Variants in NRG2 observed in about 807,000 individuals in gnomAD.
NRG2 encodes the protein neuregulin 2, also known as pro-neuregulin-2, membrane-bound isoform.
NRG2 carries 27 observed loss-of-function variants against 73.9 expected under a neutral mutation model. That is an observed-to-expected ratio of 0.37 (90% CI 0.27 to 0.50). The LOEUF is 0.50. Ranked by LOEUF, NRG2 falls within the 20% of genes least tolerant of loss-of-function variation. The probability of loss-of-function intolerance (pLI) is 0.96; values close to 1 mark genes in which losing one functional copy is unlikely to be tolerated. For missense variants in NRG2, 1,126 were observed against 1,210.1 expected, an observed-to-expected ratio of 0.93 and a Z score of 1.03; for synonymous variants, 532 against 541.0, an observed-to-expected ratio of 0.98 and a Z score of 0.23.
chr5:139,922,070 C>CAAA (rs35988908), intron 1 of NRG2, among the ~76,000 whole-genome samples: 7 of 77,190 alleles, frequency 9.1e-5, no homozygotes, highest in African/African-American at 1.7e-4. Flanking sequence ...GATTCTGTCT[C>CAAA]AAAAAAAAAA....
At chr5:139,972,859 C>A (rs1756079520) in intron 1 of NRG2, among the ~76,000 whole-genome samples, 1 of 152,050 alleles carries the variant, frequency 6.6e-6, no homozygotes, top group Admixed American at 6.5e-5. Flanking sequence ...AATACCTCAA[C>A]AGAAAAATGG....
chr5:139,850,692 G>T (rs921855481), intron 9 of NRG2, among the ~76,000 whole-genome samples: 1 of 152,246 alleles, frequency 6.6e-6, no homozygotes, highest in African/African-American at 2.4e-5. Context: ...TGGCAGGGGT[G>T]CTGGCCCTTG....
chr5:139,899,003 A>T (rs1764719123), intron 1 of NRG2, among the ~76,000 whole-genome samples: 1 of 152,190 alleles, frequency 6.6e-6, no homozygotes, highest in African/African-American at 2.4e-5. Context: ...TCCTCTGGTT[A>T]GAGTTAGTCT....
chr5:139,960,262 C>T (rs1314303616), intron 1 of NRG2, among the ~76,000 whole-genome samples: 1 of 152,130 alleles, frequency 6.6e-6, no homozygotes, highest in Non-Finnish European at 1.5e-5. Flanking sequence ...TGCCTGTAAT[C>T]CTAGCAGTTT....
intron 1 of NRG2, among the ~76,000 whole-genome samples, chr5:139,978,913 T>G (rs1042624345): frequency 6.6e-6 from 1 of 151,642 alleles, no homozygotes; most frequent in African/African-American, 2.4e-5. Context: ...CCATAAAAAA[T>G]GATGAGTTCA....
In NRG2 at chr5:139,880,842, C is replaced by G. The variant is rs779339215; in HGVS notation, c.991+14G>C. 21 of 1,609,850 alleles carry G rather than the reference C, an allele frequency of 1.3e-5. No homozygotes were observed. Reference sequence around the variant, plus strand: ...ACCCCTCTAGGACCCTTCCCTCTGTCTGGGCCCACCTACCGCTGTTGACGT... The same window carrying G: ...ACCCCTCTAGGACCCTTCCCTCTGTGTGGGCCCACCTACCGCTGTTGACGT... On this transcript the variant is annotated intron_variant, in intron 3 of 9. Transcript: ENST00000361474.
At chr5:139,923,082 C>T (rs1751795334) in intron 1 of NRG2, among the ~76,000 whole-genome samples, 1 of 152,118 alleles carries the variant, frequency 6.6e-6, no homozygotes, top group South Asian at 2.1e-4. Flanking sequence ...AGAGTGAACT[C>T]TAGTGTAAAC....
chr5:139,978,402 T>C (rs940156166), intron 1 of NRG2, among the ~76,000 whole-genome samples: 2 of 152,176 alleles, frequency 1.3e-5, no homozygotes, highest in Non-Finnish European at 2.9e-5. Flanking sequence ...GAGATACTAT[T>C]TCACACCAGT....
At chr5:139,907,012 CAT>C (rs1268913207) in intron 1 of NRG2, among the ~76,000 whole-genome samples, 1 of 152,068 alleles carries the variant, frequency 6.6e-6, no homozygotes, top group East Asian at 1.9e-4. Context: ...TGCATGTGCA[CAT>C]GTGTGTATGG....
chr5:139,873,907 C>T (rs769489843), intron 3 of NRG2, among the ~76,000 whole-genome samples: 63 of 152,224 alleles, frequency 4.1e-4, no homozygotes, highest in African/African-American at 8.0e-4. Context: ...CCTCCCCAGC[C>T]GAATGCATTG....
intron 2 of NRG2, among the ~76,000 whole-genome samples, chr5:139,885,243 C>T (rs1456064858): frequency 6.6e-6 from 1 of 152,024 alleles, no homozygotes; most frequent in Non-Finnish European, 1.5e-5. Flanking sequence ...ATAGTGAGGC[C>T]CAAAGCTCAG....
rs79714867 is a variant in NRG2 at position 139,983,854 on chromosome 5, G to C, written c.700+58516C>G. ...AAAGGATACCTTGCCAAAACTCCCT[G>C]CTCTCTCATACTGAAAGCTTTCTTA... On this transcript the variant is annotated intron_variant, in intron 1 of 9. Transcript: ENST00000361474. 1.4e-4 allele frequency among the ~76,000 whole-genome samples: 22 copies of C among 152,212 alleles called. No homozygotes were observed. The East Asian group carries it at 3.9e-3, about 27-fold the overall frequency.
At chr5:139,905,458 G>C (rs1765167086) in intron 1 of NRG2, among the ~76,000 whole-genome samples, 1 of 152,202 alleles carries the variant, frequency 6.6e-6, no homozygotes, top group Admixed American at 6.5e-5. Context: ...CTCAGGAAGG[G>C]TCCGAAGGCC....
intron 1 of NRG2, among the ~76,000 whole-genome samples, chr5:139,947,521 G>A (rs544263801): frequency 4.6e-5 from 7 of 152,118 alleles, no homozygotes; most frequent in South Asian, 2.1e-4. Flanking sequence ...TGTTTATTAC[G>A]AATAATGCTT....
rs567988735 is a variant in NRG2 at position 139,954,656 on chromosome 5, C to A, written c.701-67145G>T. Among the ~76,000 whole-genome samples the A allele has an allele frequency of 6.6e-6, 1 of 152,238 alleles. No individual in the cohort carries two copies. Among genetic ancestry groups the A allele is most frequent in the Non-Finnish European group, 1.5e-5 (1 of 68,044 alleles). ...CAAGCCCTCCACCCCAGCGACTCTC[C>A]GCAGAGGCCCCTGCGCGTATCCCGC... is the stretch of plus-strand genomic sequence containing the variant. On this transcript the variant is annotated intron_variant, in intron 1 of 9. Transcript: ENST00000361474. This position sits in a 1 kb window ranked among gnomAD's most constrained non-coding sequence, Gnocchi z 5.0.
In NRG2 at chr5:139,966,642, G is replaced by A. The variant is rs561661354; in HGVS notation, c.700+75728C>T. The stretch of plus-strand genomic sequence containing the variant: ...TTAGTATATGCAAGAGTTTAGAAAT[G>A]AGAGCATATGCGACTTAAAAAAGGA... On this transcript the variant is annotated intron_variant, in intron 1 of 9. Coordinates refer to ENST00000361474, the MANE Select transcript of NRG2 (RefSeq NM_004883.3). Among the ~76,000 whole-genome samples, 35 of 152,240 alleles carry A rather than the reference G, an allele frequency of 2.3e-4. No homozygotes were observed. The South Asian group carries it at 6.4e-3, about 28-fold the overall frequency.
chr5:139,921,192 A>G (rs1031385826), intron 1 of NRG2, among the ~76,000 whole-genome samples: 2 of 152,236 alleles, frequency 1.3e-5, no homozygotes, highest in African/African-American at 2.4e-5. Context: ...TATCGATTCA[A>G]TGCAATTCCA....
At chr5:139,875,838 A>C (rs936433220) in intron 3 of NRG2, among the ~76,000 whole-genome samples, 2 of 152,174 alleles carry the variant, frequency 1.3e-5, no homozygotes, top group African/African-American at 4.8e-5. Context: ...AAGGATAATA[A>C]CATGTGGTGG....
chr5:139,866,564 T>C (rs1023742528), intron 4 of NRG2, among the ~76,000 whole-genome samples: 3 of 152,146 alleles, frequency 2.0e-5, no homozygotes, highest in African/African-American at 7.2e-5. Context: ...ACAAAAGGGA[T>C]TGGAGCAGGC....
Sources: gnomAD v4.1 joint callset for allele counts (sites outside exome capture counted in the v4.1 genomes callset) on GRCh38, gnomAD v4.1.1 for gene constraint, Gnocchi (gnomAD v3.1) non-coding constraint, MANE v1.5 for transcripts, NCBI Gene and HGNC (gene_info 2026-07-23, HGNC 2026-07-21) for gene names.